VPS26A: variants seen among roughly 807,000 people sequenced by gnomAD.
VPS26A encodes the protein vacuolar protein sorting-associated protein 26A.
VPS26A carries 22 observed loss-of-function variants against 42.4 expected under a neutral mutation model. That is an observed-to-expected ratio of 0.52 (90% CI 0.37 to 0.74). The LOEUF is 0.74. Among genes scored for constraint, VPS26A ranks in the 30% least tolerant of loss-of-function variants. The pLI is 0.00. For missense variants in VPS26A, 276 were observed against 379.2 expected (o/e 0.73, Z 2.26); for synonymous variants, 110 against 123.5 (o/e 0.89, Z 0.73).
At chr10:69,151,282 A>AAAAAAAAAACAAAAAACAAAAAACACAC in intron 2 of VPS26A, among the ~76,000 whole-genome samples, 1 of 136,830 alleles carries the variant, frequency 7.3e-6, no homozygotes, top group African/African-American at 3.3e-5. Flanking sequence ...AAAAAAAAAA[A>AAAAAAAAAACAAAAAACAAAAAACACAC]ACACACACAC....
At chr10:69,152,936 C>G (rs1300219670) in intron 2 of VPS26A, among the ~76,000 whole-genome samples, 1 of 149,296 alleles carries the variant, frequency 6.7e-6, no homozygotes, top group Non-Finnish European at 1.5e-5. Flanking sequence ...TGCCACTGCA[C>G]TCCAGCCTGG....
rs1841684708 is a variant in VPS26A, at chr10:69,166,227, G to A, written c.727+117G>A. 1.5e-5 allele frequency: 14 copies of A among 923,076 alleles called. No homozygotes were observed. The South Asian group carries it at 2.3e-4, about 15-fold the overall frequency. The allele number at this position is 923,076 out of a possible 1,614,324, so 57.2% of individuals were successfully genotyped here. A position where few individuals can be genotyped will look rare whatever the true frequency, so the allele number is the denominator to read the frequency against. ...TGAATTCTTAAACCATTCTTACAAT[G>A]ATAGCTTTTAAGGTCATCTTTGTAC... On this transcript the variant is annotated intron_variant, in intron 7 of 8. Coordinates refer to ENST00000263559, the MANE Select transcript of VPS26A (RefSeq NM_004896.5).
intron 2 of VPS26A, among the ~76,000 whole-genome samples, chr10:69,133,791 A>G (rs1477766835): frequency 1.3e-5 from 2 of 151,906 alleles, no homozygotes; most frequent in African/African-American, 4.8e-5. Context: ...GACTCAGGTG[A>G]TTCTCCCACC....
chr10:69,168,834 G>C (rs1841751161), intron 8 of VPS26A, among the ~76,000 whole-genome samples: 1 of 152,096 alleles, frequency 6.6e-6, no homozygotes, highest in African/African-American at 2.4e-5. Flanking sequence ...TCCAGAATGA[G>C]CTATAATTTT....
At chr10:69,129,326 T>G (rs1840725931) in intron 1 of VPS26A, among the ~76,000 whole-genome samples, 2 of 152,152 alleles carry the variant, frequency 1.3e-5, no homozygotes, top group Admixed American at 6.5e-5. Context: ...TTAGAGGAAA[T>G]GTACTACAGT....
chr10:69,167,609 G>C (rs924280330), intron 7 of VPS26A, among the ~76,000 whole-genome samples: 4 of 151,760 alleles, frequency 2.6e-5, no homozygotes, highest in Non-Finnish European at 5.9e-5. Flanking sequence ...AGGGCATGGT[G>C]GCAGGTGCCT....
Position 69,155,872 on chromosome 10 carries a change from T to C in VPS26A, c.214T>C (p.Phe72Leu). ...AGAACACCAAGGAATTAGAATTGAATTTGTAGGTCAAATTGGTGAGTTTTA... is the reference window on the plus strand; with the variant it reads ...AGAACACCAAGGAATTAGAATTGAACTTGTAGGTCAAATTGGTGAGTTTTA... ...RLEHQGIRIE[F>L]VGQIELFNDK... Residue 72 changes from phenylalanine to leucine, a missense_variant, in exon 3 of 9, where the codon TTT becomes CTT. By Grantham distance (22) the Phe-to-Leu change is conservative. Transcript: ENST00000263559. 1.2e-6 allele frequency: 2 copies of C among 1,611,562 alleles called. No homozygotes were observed. The highest frequency in any genetic ancestry group is 2.2e-5 in the East Asian group (1 of 44,758).
intron 1 of VPS26A, among the ~76,000 whole-genome samples, chr10:69,129,138 A>T (rs535304047): frequency 6.6e-6 from 1 of 152,186 alleles, no homozygotes; most frequent in African/African-American, 2.4e-5. Context: ...ATTATCCTTC[A>T]ATATAACTGA....
At chr10:69,133,410 C>A in intron 2 of VPS26A, 1 of 493,674 alleles carries the variant, frequency 2.0e-6, no homozygotes, top group Non-Finnish European at 3.0e-6. Flanking sequence ...TTTGTTTTTC[C>A]TTTAACATTA....
Position 69,171,504 on chromosome 10 carries a change from C to CTTTTTTTT in VPS26A, c.*239_*246dup. On this transcript the variant is annotated 3_prime_UTR_variant, in exon 9 of 9. Coordinates refer to ENST00000263559, the MANE Select transcript of VPS26A (RefSeq NM_004896.5). ...AAACACTGGAACTTTGTTAAGCTGC[C>CTTTTTTTT]TTTTTTTTTTTAACTTCCTACTTTG... The CTTTTTTTT allele has an allele frequency of 6.9e-6, 2 of 289,516 alleles. No individual in the cohort carries two copies. Among genetic ancestry groups the CTTTTTTTT allele is most frequent in the Non-Finnish European group, 1.2e-5 (2 of 160,080 alleles). The allele number at this position is 289,516 out of a possible 1,614,324, so 17.9% of individuals were successfully genotyped here. A position where few individuals can be genotyped will look rare whatever the true frequency, so the allele number is the denominator to read the frequency against.
chr10:69,143,991 G>A (rs1841100874), intron 2 of VPS26A, among the ~76,000 whole-genome samples: 1 of 152,160 alleles, frequency 6.6e-6, no homozygotes, highest in South Asian at 2.1e-4. Flanking sequence ...GTGCTGGAAT[G>A]ACAGGTGTGA....
chr10:69,137,862 G>GATATATATATATATATAT lies in VPS26A; in HGVS notation c.153+4818_153+4835dup, dbSNP rs745881334. ...TTTTTCTTTTTTTAAGCTGTATTGA[G>GATATATATATATATATAT]ATATATATATATATATATATTCGCC... On this transcript the variant is annotated intron_variant, in intron 2 of 8. Transcript: ENST00000263559. 2.1e-4 allele frequency among the ~76,000 whole-genome samples: 30 copies of GATATATATATATATATAT among 144,796 alleles called. 1 individual carries two copies. Among genetic ancestry groups the GATATATATATATATATAT allele is most frequent in the African/African-American group, 7.6e-4 (28 of 36,740 alleles). The allele number at this position is 144,796 out of a possible 152,430, so 95.0% of individuals were successfully genotyped here.
In VPS26A at chr10:69,166,114, A is replaced by G. The variant is rs777514771; in HGVS notation, c.727+4A>G. 6.2e-7 allele frequency: 1 copy of G among 1,613,058 alleles called. No homozygotes were observed. Among genetic ancestry groups the G allele is most frequent in the Middle Eastern group, 1.7e-4 (1 of 6,056 alleles). ...ATGGATGGTGCACCAGTAAAAGGTA[A>G]CACACTTTTCAGTTACTTCTTTTGT... On this transcript the variant is annotated splice_donor_region_variant and intron_variant, in intron 7 of 8. Coordinates refer to ENST00000263559, the MANE Select transcript of VPS26A (RefSeq NM_004896.5).
At chr10:69,142,691 C>G (rs1307796707) in intron 2 of VPS26A, among the ~76,000 whole-genome samples, 1 of 149,862 alleles carries the variant, frequency 6.7e-6, no homozygotes, top group Non-Finnish European at 1.5e-5. Flanking sequence ...ATTTGGCACA[C>G]TTATTTTAAT....
intron 6 of VPS26A, among the ~76,000 whole-genome samples, chr10:69,164,012 C>T (rs953702045): frequency 6.6e-6 from 1 of 152,020 alleles, no homozygotes; most frequent in Non-Finnish European, 1.5e-5. Flanking sequence ...CGTGATCCGC[C>T]CGCCTCAGCC....
At chr10:69,126,224 G>T (rs1023527547) in intron 1 of VPS26A, among the ~76,000 whole-genome samples, 3 of 95,818 alleles carry the variant, frequency 3.1e-5, no homozygotes, top group African/African-American at 9.0e-5. Context: ...AATTTGGGAG[G>T]CCGAGGTGGG....
chr10:69,160,054 T>C (rs1387887614), intron 5 of VPS26A, among the ~76,000 whole-genome samples: 1 of 152,144 alleles, frequency 6.6e-6, no homozygotes, highest in South Asian at 2.1e-4. Flanking sequence ...CTTAAAATTA[T>C]ATTGTTGATG....
intron 3 of VPS26A, among the ~76,000 whole-genome samples, chr10:69,156,648 T>C (rs1841434643): frequency 6.6e-6 from 1 of 152,176 alleles, no homozygotes; most frequent in African/African-American, 2.4e-5. Context: ...TTTGTAATTT[T>C]ATGAAGGTAA....
intron 1 of VPS26A, among the ~76,000 whole-genome samples, chr10:69,131,000 TC>T (rs1333454269): frequency 4.6e-5 from 7 of 151,944 alleles, no homozygotes; most frequent in South Asian, 2.1e-4. Context: ...ACATTTTTTT[TC>T]TGGAGACAAA....
Sources: gnomAD v4.1 joint callset for allele counts (sites outside exome capture counted in the v4.1 genomes callset) on GRCh38, gnomAD v4.1.1 for gene constraint, MANE v1.5 for transcripts, NCBI Gene and HGNC (gene_info 2026-07-23, HGNC 2026-07-21) for gene names.